The following LIMK2 variants were observed in gnomAD, a reference collection of about 807,000 sequenced individuals.
LIMK2 encodes the protein LIM domain kinase 2.
Under a neutral mutation model 75.7 loss-of-function variants are expected in LIMK2, and 35 were observed. That is an observed-to-expected ratio of 0.46 (90% CI 0.35 to 0.61). The LOEUF is 0.61. Among genes scored for constraint, LIMK2 ranks in the 20% least tolerant of loss-of-function variants. LIMK2 has a pLI of 0.00. For missense variants in LIMK2, 623 were observed against 831.0 expected, an observed-to-expected ratio of 0.75 and a Z score of 3.08; for synonymous variants, 301 against 319.2, an observed-to-expected ratio of 0.94 and a Z score of 0.61.
chr22:31,235,136 G>C (rs1601409729), intron 2 of LIMK2, among the ~76,000 whole-genome samples: 1 of 152,220 alleles, frequency 6.6e-6, no homozygotes, highest in East Asian at 1.9e-4. Context: ...GTCATGGACT[G>C]TGGGGTTTTT....
In LIMK2 at chr22:31,262,760, CTG is replaced by C; in HGVS notation, c.824_825del (p.Leu275ArgfsTer13). On this transcript the variant is annotated frameshift_variant, in exon 7 of 16. Coordinates refer to ENST00000331728, the MANE Select transcript of LIMK2 (RefSeq NM_005569.4). LOFTEE classifies it high-confidence loss of function. The surrounding 1 kb of genome is among the most constrained non-coding windows in gnomAD (Gnocchi z 5.0). ...CAGCACCCTGGACACCAAGGAGAAT[CTG>C]GAGGGGACACTGAGGAGACGTTCCC... ...ALSTLDTKEN[L>X]EGTLRRRSLR... The C allele has an allele frequency of 6.2e-7, 1 of 1,613,106 alleles. No individual in the cohort carries two copies. The highest frequency in any genetic ancestry group is 8.5e-7 in the Non-Finnish European group (1 of 1,179,398).
chr22:31,276,471 C>CGGCGGCCGCAGGGGACAAAG, intron 15 of LIMK2, among the ~76,000 whole-genome samples: 1 of 139,000 alleles, frequency 7.2e-6, no homozygotes, highest in African/African-American at 2.6e-5. Flanking sequence ...GCAGCCCCGG[C>CGGCGGCCGCAGGGGACAAAG]GGCGGCCGCA....
At chr22:31,256,308 T>C (rs1206257247) in intron 2 of LIMK2, among the ~76,000 whole-genome samples, 1 of 150,226 alleles carries the variant, frequency 6.7e-6, no homozygotes, top group Non-Finnish European at 1.5e-5. Flanking sequence ...ATATTAGGAC[T>C]TTTATATAAG....
chr22:31,276,229 CTG>C (rs1364883453), intron 15 of LIMK2, among the ~76,000 whole-genome samples: 1 of 152,148 alleles, frequency 6.6e-6, no homozygotes, highest in Non-Finnish European at 1.5e-5. Flanking sequence ...GAGTGAAACT[CTG>C]TCTCAAAAAT....
At chr22:31,242,110 T>TA (rs2048628158) in intron 2 of LIMK2, among the ~76,000 whole-genome samples, 1 of 152,184 alleles carries the variant, frequency 6.6e-6, no homozygotes, top group Admixed American at 6.5e-5. Flanking sequence ...CCCACATTCT[T>TA]ACTGTCTGGA....
intron 1 of LIMK2, among the ~76,000 whole-genome samples, chr22:31,216,702 C>T (rs947912645): frequency 3.3e-5 from 5 of 152,114 alleles, no homozygotes; most frequent in Admixed American, 6.6e-5. Context: ...AATAAAAATC[C>T]GTCATGATCA....
intron 2 of LIMK2, among the ~76,000 whole-genome samples, chr22:31,235,242 A>G (rs1281921008): frequency 6.6e-6 from 1 of 152,180 alleles, no homozygotes; most frequent in Non-Finnish European, 1.5e-5. Context: ...GATGTAAGTC[A>G]GGCTTTTCCC....
chr22:31,233,689 G>T (rs543606413), intron 2 of LIMK2, among the ~76,000 whole-genome samples: 2 of 152,150 alleles, frequency 1.3e-5, no homozygotes, highest in Non-Finnish European at 2.9e-5. Flanking sequence ...AGACTTTGCT[G>T]GACTTTCACT....
chr22:31,272,998 T>G (rs1433151236), intron 13 of LIMK2: 1 of 1,182,826 alleles, frequency 8.5e-7, no homozygotes, highest in African/African-American at 1.6e-5. Context: ...TCTCTCTCCA[T>G]GGTGAGAACT....
At chr22:31,238,496 T>C (rs924996524) in intron 2 of LIMK2, among the ~76,000 whole-genome samples, 8 of 152,210 alleles carry the variant, frequency 5.3e-5, no homozygotes, top group Non-Finnish European at 1.2e-4. Context: ...GATAAATGGT[T>C]AGGTCAGAAC....
intron 1 of LIMK2, among the ~76,000 whole-genome samples, chr22:31,224,023 G>A (rs2048458585): frequency 6.6e-6 from 1 of 152,168 alleles, no homozygotes; most frequent in Admixed American, 6.5e-5. Flanking sequence ...TGTGAAACAG[G>A]GTTCGGTGAC....
intron 10 of LIMK2, 65 bp from the exon 11 acceptor site, chr22:31,268,079 A>T: frequency 6.4e-7 from 1 of 1,551,102 alleles, no homozygotes; most frequent in Non-Finnish European, 8.9e-7. Flanking sequence ...ACATTGACCC[A>T]TGGGGCCTGG....
At chr22:31,270,315 A>G (rs1206184350) in intron 11 of LIMK2, among the ~76,000 whole-genome samples, 3 of 152,184 alleles carry the variant, frequency 2.0e-5, no homozygotes, top group East Asian at 1.9e-4. Context: ...CAGACACACA[A>G]GAGTCTCAGG....
At chr22:31,275,604 T>TGA in intron 15 of LIMK2, 1 of 333,076 alleles carries the variant, frequency 3.0e-6, no homozygotes, top group South Asian at 5.2e-5. Context: ...CATCTTTCGA[T>TGA]ATTCCCCTGT....
intron 2 of LIMK2, among the ~76,000 whole-genome samples, chr22:31,237,759 G>A (rs1331265327): frequency 6.6e-6 from 1 of 151,960 alleles, no homozygotes; most frequent in Non-Finnish European, 1.5e-5. Flanking sequence ...ATTGGTGATT[G>A]TCGCACATAT....
intron 7 of LIMK2, among the ~76,000 whole-genome samples, chr22:31,264,662 C>T (rs1222281722): frequency 6.6e-6 from 1 of 152,242 alleles, no homozygotes; most frequent in East Asian, 1.9e-4. Context: ...GTGGCTCACG[C>T]CTGTAATCCC....
intron 1 of LIMK2, among the ~76,000 whole-genome samples, chr22:31,213,043 G>A (rs1244921910): frequency 6.6e-6 from 1 of 152,144 alleles, no homozygotes; most frequent in Non-Finnish European, 1.5e-5. Flanking sequence ...CTAAGGGTAA[G>A]GAGAGATCGG....
Position 31,212,772 on chromosome 22 carries a change from C to T in LIMK2, c.16+348C>T, listed in dbSNP as rs188061576. Among the ~76,000 whole-genome samples the T allele has an allele frequency of 3.0e-4, 46 of 152,198 alleles. No homozygotes were observed. The East Asian group carries it at 8.3e-3, about 28-fold the overall frequency. On this transcript the variant is annotated intron_variant, in intron 1 of 15. Coordinates refer to ENST00000331728, the MANE Select transcript of LIMK2 (RefSeq NM_005569.4). ...GCGGCCGCAGACCCCCAAATTAACC[C>T]TTTTTAAGGAAGTTGAAAAGCATGG...
chr22:31,250,197 A>T (rs1160992232), intron 2 of LIMK2, among the ~76,000 whole-genome samples: 2 of 152,168 alleles, frequency 1.3e-5, no homozygotes, highest in African/African-American at 4.8e-5. Flanking sequence ...GTTTAGGAGA[A>T]AGCTTTTACA....
Sources: gnomAD v4.1 joint callset for allele counts (sites outside exome capture counted in the v4.1 genomes callset) on GRCh38, gnomAD v4.1.1 for gene constraint, Gnocchi (gnomAD v3.1) non-coding constraint, MANE v1.5 for transcripts, NCBI Gene and HGNC (gene_info 2026-07-23, HGNC 2026-07-21) for gene names.